Variants in CDK8 observed in about 807,000 individuals in gnomAD.
CDK8 encodes the protein cyclin-dependent kinase 8.
Under a neutral mutation model 71.5 loss-of-function variants are expected in CDK8, and 29 were observed. The observed-to-expected ratio is 0.41, with a 90% CI of 0.30 to 0.55. The LOEUF (loss-of-function observed/expected upper bound fraction) is 0.55, where lower values mean the gene tolerates loss of function less well. Ranked by LOEUF, CDK8 falls within the 20% of genes least tolerant of loss-of-function variation. The pLI is 0.37. For missense variants in CDK8, 288 were observed against 572.6 expected, an observed-to-expected ratio of 0.50 and a Z score of 5.07; for synonymous variants, 161 against 192.1, an observed-to-expected ratio of 0.84 and a Z score of 1.34.
intron 1 of CDK8, among the ~76,000 whole-genome samples, chr13:26,333,663 C>A (rs569231217): frequency 1.9e-4 from 29 of 152,210 alleles, no homozygotes; most frequent in Middle Eastern, 3.4e-3. Context: ...TACCTTCAGG[C>A]AATGTGTATA....
chr13:26,304,460 A>G (rs369765954), intron 1 of CDK8, among the ~76,000 whole-genome samples: 72 of 151,564 alleles, frequency 4.8e-4, no homozygotes, highest in East Asian at 4.1e-3. Flanking sequence ...GTATTATTCT[A>G]TCTTCCTCCT....
At position 26,401,201 on chromosome 13, in the gene CDK8, C is replaced by A; in HGVS notation, c.1032-68C>A. ...CATCTTAAAAGATTAAAATGAGAATCTCCTAAATGAAGCATTTGGAATATT... is the reference window on the plus strand; with the variant it reads ...CATCTTAAAAGATTAAAATGAGAATATCCTAAATGAAGCATTTGGAATATT... On this transcript the variant is annotated intron_variant, in intron 10 of 12. Coordinates refer to ENST00000381527, the MANE Select transcript of CDK8 (RefSeq NM_001260.3). The surrounding 1 kb of genome is among the most constrained non-coding windows in gnomAD (Gnocchi z 4.5). 1 of 1,180,828 alleles carries A rather than the reference C, an allele frequency of 8.5e-7. No individual in the cohort carries two copies. The highest frequency in any genetic ancestry group is 1.3e-5 in the South Asian group (1 of 76,212). The allele number at this position is 1,180,828 out of a possible 1,614,324, so 73.1% of individuals were successfully genotyped here. A position where few individuals can be genotyped will look rare whatever the true frequency, so the allele number is the denominator to read the frequency against.
intron 4 of CDK8, among the ~76,000 whole-genome samples, chr13:26,364,604 A>G (rs1874298094): frequency 6.6e-6 from 1 of 152,160 alleles, no homozygotes. Flanking sequence ...GTTTGTAGTT[A>G]ACATACCTTA....
At position 26,305,414 on chromosome 13, in the gene CDK8, TAAG is replaced by T. The variant is rs573773609; in HGVS notation, c.129-32149_129-32147del. ...TCTTTGTTTTTTAAAATAATTTTTC[TAAG>T]AAGTACTTAAGTGTGGTTTTCTTAT... is the stretch of plus-strand genomic sequence containing the variant. On this transcript the variant is annotated intron_variant, in intron 1 of 12. Coordinates refer to ENST00000381527, the MANE Select transcript of CDK8 (RefSeq NM_001260.3). 1.3e-4 allele frequency among the ~76,000 whole-genome samples: 20 copies of T among 152,346 alleles called. No individual in the cohort carries two copies. In the South Asian group the frequency reaches 4.1e-3, roughly 32 times the overall value.
intron 1 of CDK8, among the ~76,000 whole-genome samples, chr13:26,284,742 G>A (rs1872917948): frequency 1.3e-5 from 2 of 152,028 alleles, no homozygotes; most frequent in Admixed American, 6.5e-5. Flanking sequence ...AGATAGAGAA[G>A]GAGGGTACCC....
chr13:26,299,580 T>A (rs1407797331), intron 1 of CDK8, among the ~76,000 whole-genome samples: 3 of 152,218 alleles, frequency 2.0e-5, no homozygotes, highest in Non-Finnish European at 4.4e-5. Flanking sequence ...CACAGTTCAC[T>A]GGCAAGCTCT....
intron 1 of CDK8, among the ~76,000 whole-genome samples, chr13:26,307,664 C>T (rs966856920): frequency 1.4e-4 from 22 of 152,296 alleles, no homozygotes; most frequent in East Asian, 9.6e-4. Flanking sequence ...AATACACCTT[C>T]CCTGATCAGT....
At chr13:26,343,328 A>G (rs77142722) in intron 2 of CDK8, among the ~76,000 whole-genome samples, 4,753 of 152,278 alleles carry the variant, frequency 0.031, 234 homozygotes, top group African/African-American at 0.11. Flanking sequence ...ACAATGCTAA[A>G]TATTTGTATA....
Position 26,254,499 on chromosome 13 carries a change from T to TG in CDK8, c.-142dup. On this transcript the variant is annotated 5_prime_UTR_variant, in exon 1 of 13. The change abolishes the stop of an existing upstream ORF in the 5' untranslated region. Transcript: ENST00000381527. The surrounding 1 kb of genome is among the most constrained non-coding windows in gnomAD (Gnocchi z 6.7). ...CTTTCGCGGGGCCTCCTCCTGCTCT[T>TG]GCCGCATCAGTCGGGCTGGTGCTGC... 6.3e-6 allele frequency: 4 copies of TG among 638,292 alleles called. No individual in the cohort carries two copies. The highest frequency in any genetic ancestry group is 1.0e-5 in the Non-Finnish European group (4 of 386,696). 39.5% of individuals were successfully genotyped at this position (638,292 alleles called of 1,614,324 possible). A position where few individuals can be genotyped will look rare whatever the true frequency, so the allele number is the denominator to read the frequency against.
At chr13:26,377,110 G>A (rs1874991661) in intron 4 of CDK8, among the ~76,000 whole-genome samples, 1 of 152,248 alleles carries the variant, frequency 6.6e-6, no homozygotes, top group South Asian at 2.1e-4. Context: ...CCCTGAAAGG[G>A]GACTTCTTAA....
intron 4 of CDK8, among the ~76,000 whole-genome samples, chr13:26,374,055 G>T (rs1484956578): frequency 1.4e-5 from 2 of 147,520 alleles, no homozygotes; most frequent in African/African-American, 5.0e-5. Flanking sequence ...CAAAAAATTA[G>T]CTGGGCGTGG....
At chr13:26,309,904 G>A (rs1250946321) in intron 1 of CDK8, among the ~76,000 whole-genome samples, 2 of 152,174 alleles carry the variant, frequency 1.3e-5, no homozygotes, top group Middle Eastern at 3.4e-3. Flanking sequence ...ACAGGCACAC[G>A]CCACCATGTC....
intron 1 of CDK8, among the ~76,000 whole-genome samples, chr13:26,308,450 C>T (rs1247589041): frequency 1.3e-5 from 2 of 152,234 alleles, no homozygotes; most frequent in Non-Finnish European, 2.9e-5. Context: ...ATGCCAGACC[C>T]CTCTTTACAT....
intron 1 of CDK8, among the ~76,000 whole-genome samples, chr13:26,300,838 G>A (rs1214292387): frequency 1.3e-5 from 2 of 152,104 alleles, no homozygotes; most frequent in African/African-American, 4.8e-5. Context: ...TTAAGACACA[G>A]GTTTGTAAGT....
At chr13:26,382,072 C>T (rs768359984) in intron 4 of CDK8, among the ~76,000 whole-genome samples, 1 of 152,224 alleles carries the variant, frequency 6.6e-6, no homozygotes, top group East Asian at 1.9e-4. Flanking sequence ...TCTGCTTTCT[C>T]TCCCCTCATC....
intron 3 of CDK8, among the ~76,000 whole-genome samples, chr13:26,352,067 T>C (rs1873700984): frequency 6.6e-6 from 1 of 152,028 alleles, no homozygotes; most frequent in African/African-American, 2.4e-5. Flanking sequence ...TTACCTTACC[T>C]CTCCTACATA....
At chr13:26,329,471 TTTTTTTTTTTTG>T (rs1026785958) in intron 1 of CDK8, among the ~76,000 whole-genome samples, 3 of 88,208 alleles carry the variant, frequency 3.4e-5, no homozygotes, top group Non-Finnish European at 7.7e-5. Context: ...CTATTTCTGT[TTTTTTTTTTTTG>T]TTTTTTTTTT....
In CDK8 at chr13:26,262,097, G is replaced by A. The variant is rs143965317; in HGVS notation, c.128+7328G>A. Among the ~76,000 whole-genome samples the A allele has an allele frequency of 2.0e-5, 3 of 152,298 alleles. No individual in the cohort carries two copies. In the East Asian group the frequency reaches 5.8e-4, roughly 29 times the overall value. On this transcript the variant is annotated intron_variant, in intron 1 of 12. Transcript: ENST00000381527. ...TCAGGCAGCACCTTGTGCTGGAAAT[G>A]CTTTTTTCTCAGTTGAAATGTACTG...
chr13:26,389,929 C>T (rs1008945835), intron 6 of CDK8, among the ~76,000 whole-genome samples: 2 of 152,028 alleles, frequency 1.3e-5, no homozygotes, highest in Non-Finnish European at 2.9e-5. Context: ...ACCTGAGAGG[C>T]GGAGGTTGCA....
Sources: gnomAD v4.1 joint callset for allele counts (sites outside exome capture counted in the v4.1 genomes callset) on GRCh38, gnomAD v4.1.1 for gene constraint, Gnocchi (gnomAD v3.1) non-coding constraint, MANE v1.5 for transcripts, NCBI Gene and HGNC (gene_info 2026-07-23, HGNC 2026-07-21) for gene names.